The following VOPP1 variants were observed in gnomAD, a reference collection of about 807,000 sequenced individuals.
VOPP1 encodes the protein WW domain binding protein VOPP1.
VOPP1 carries 8 observed loss-of-function variants against 23.5 expected under a neutral mutation model. That is an observed-to-expected ratio of 0.34 (90% CI 0.20 to 0.61). VOPP1 has a LOEUF of 0.61. Among genes scored for constraint, VOPP1 ranks in the 20% least tolerant of loss-of-function variants. The pLI is 0.78. For missense variants in VOPP1, 174 were observed against 238.1 expected (o/e 0.73, Z 1.77); for synonymous variants, 83 against 97.3 (o/e 0.85, Z 0.86).
chr7:55,546,619 T>C (rs2129052441), intron 1 of VOPP1, among the ~76,000 whole-genome samples: 1 of 152,390 alleles, frequency 6.6e-6, no homozygotes, highest in South Asian at 2.1e-4. Context: ...GTATTTGCTC[T>C]GCAAATGTGC....
intron 4 of VOPP1, among the ~76,000 whole-genome samples, chr7:55,464,116 G>GT (rs1352489222): frequency 6.6e-6 from 1 of 152,122 alleles, no homozygotes; most frequent in Non-Finnish European, 1.5e-5. Context: ...CCCTCAGATG[G>GT]TATGTCTGGG....
intron 1 of VOPP1, among the ~76,000 whole-genome samples, chr7:55,523,260 T>A (rs1795983161): frequency 6.6e-6 from 1 of 152,180 alleles, no homozygotes; most frequent in East Asian, 1.9e-4. Flanking sequence ...CAGTATGCCA[T>A]CCTTGATGCA....
intron 1 of VOPP1, among the ~76,000 whole-genome samples, chr7:55,553,423 T>A (rs148224157): frequency 0.011 from 1,672 of 152,268 alleles, 11 homozygotes; most frequent in Middle Eastern, 0.02. Context: ...TTTTCCCATG[T>A]TGCAGACCCA....
chr7:55,527,712 A>G (rs1034136134), intron 1 of VOPP1, among the ~76,000 whole-genome samples: 1 of 152,238 alleles, frequency 6.6e-6, no homozygotes, highest in Non-Finnish European at 1.5e-5. Flanking sequence ...AATAGGGCTG[A>G]TATCTTTATC....
At chr7:55,461,510 C>G (rs1385242937) in intron 4 of VOPP1, among the ~76,000 whole-genome samples, 1 of 152,144 alleles carries the variant, frequency 6.6e-6, no homozygotes, top group Non-Finnish European at 1.5e-5. Flanking sequence ...CTCCTGGGTC[C>G]TGGTTCAAGC....
intron 2 of VOPP1, among the ~76,000 whole-genome samples, chr7:55,500,346 G>C (rs1240927599): frequency 6.6e-6 from 1 of 152,244 alleles, no homozygotes; most frequent in African/African-American, 2.4e-5. Flanking sequence ...CCACGTGAGA[G>C]GGCCATGTAG....
chr7:55,455,552 ATAC>A (rs1225234373), intron 4 of VOPP1, among the ~76,000 whole-genome samples: 2 of 152,220 alleles, frequency 1.3e-5, no homozygotes, highest in Non-Finnish European at 2.9e-5. Flanking sequence ...ACTTCAAACT[ATAC>A]TACAAGGCTA....
chr7:55,467,828 T>A (rs1484594400), downstream of VOPP1, among the ~76,000 whole-genome samples: 1 of 152,250 alleles, frequency 6.6e-6, no homozygotes, highest in Non-Finnish European at 1.5e-5. Flanking sequence ...TGAATGAGAT[T>A]AGTATCCATC....
chr7:55,544,289 C>T (rs1397674463), intron 1 of VOPP1, among the ~76,000 whole-genome samples: 3 of 152,024 alleles, frequency 2.0e-5, no homozygotes, highest in East Asian at 1.9e-4. Context: ...TTTTAGCTGA[C>T]CAAAAGCGAC....
At chr7:55,453,703 T>G (rs1306286872) in intron 4 of VOPP1, among the ~76,000 whole-genome samples, 2 of 152,148 alleles carry the variant, frequency 1.3e-5, no homozygotes, top group African/African-American at 4.8e-5. Context: ...AATGAAAAAG[T>G]TTGAAATATT....
At chr7:55,488,040 AAATG>A (rs1793276720) in intron 4 of VOPP1, among the ~76,000 whole-genome samples, 1 of 152,222 alleles carries the variant, frequency 6.6e-6, no homozygotes, top group Non-Finnish European at 1.5e-5. Flanking sequence ...GTGAGTGAAT[AAATG>A]AATGAAGACA....
At chr7:55,450,647 G>A (rs958367574) in intron 4 of VOPP1, among the ~76,000 whole-genome samples, 1 of 152,184 alleles carries the variant, frequency 6.6e-6, no homozygotes, top group East Asian at 1.9e-4. Context: ...GCAATGCACT[G>A]GTTCACATCA....
chr7:55,442,040 T>C (rs1790977778), intron 4 of VOPP1, among the ~76,000 whole-genome samples: 1 of 152,264 alleles, frequency 6.6e-6, no homozygotes, highest in Non-Finnish European at 1.5e-5. Context: ...TAATGTATAA[T>C]AATAATATCG....
intron 4 of VOPP1, among the ~76,000 whole-genome samples, chr7:55,459,211 T>C (rs1791441377): frequency 6.6e-6 from 1 of 152,184 alleles, no homozygotes; most frequent in Non-Finnish European, 1.5e-5. Flanking sequence ...TCCTTGCATC[T>C]TTGGGTAAAT....
At chr7:55,521,586 C>A (rs1795860835) in intron 1 of VOPP1, 2 of 987,652 alleles carry the variant, frequency 2.0e-6, no homozygotes, top group Non-Finnish European at 1.2e-6. Flanking sequence ...CCTACGTCTG[C>A]AAGATGCTGC....
chr7:55,528,370 T>G (rs1796310070), intron 1 of VOPP1, among the ~76,000 whole-genome samples: 2 of 152,230 alleles, frequency 1.3e-5, no homozygotes, highest in African/African-American at 4.8e-5. Flanking sequence ...AGTCTCCAAG[T>G]TTCCTGTATG....
intron 1 of VOPP1, among the ~76,000 whole-genome samples, chr7:55,533,954 C>T (rs995354934): frequency 7.9e-5 from 12 of 152,220 alleles, no homozygotes; most frequent in African/African-American, 2.9e-4. Flanking sequence ...GATCCAAAAG[C>T]AACAACTCTG....
intron 4 of VOPP1, among the ~76,000 whole-genome samples, chr7:55,440,107 T>A (rs768675286): frequency 6.6e-6 from 1 of 152,214 alleles, no homozygotes; most frequent in Non-Finnish European, 1.5e-5. Flanking sequence ...GTTTGTGCGT[T>A]CCTTGCCAGG....
Position 55,545,190 on chromosome 7 carries a change from C to T in VOPP1, c.55-24060G>A, listed in dbSNP as rs144829476. ...ACTTTCCATTTATATACATATATTA[C>T]TTTATTTAAAAATGAAATAAACTTG... On this transcript the variant is annotated intron_variant, in intron 1 of 4. Coordinates refer to ENST00000285279, the MANE Select transcript of VOPP1 (RefSeq NM_030796.5). 1.9e-3 allele frequency among the ~76,000 whole-genome samples: 295 copies of T among 152,278 alleles called. 3 individuals carry two copies. Among genetic ancestry groups the T allele is most frequent in the African/African-American group, 6.8e-3 (283 of 41,578 alleles).
Sources: allele counts gnomAD v4.1 joint callset (sites outside exome capture counted in the v4.1 genomes callset), GRCh38; gene constraint gnomAD v4.1.1; transcripts MANE v1.5; gene names NCBI Gene and HGNC (gene_info 2026-07-23, HGNC 2026-07-21).